Variants in MARS1 observed in about 807,000 individuals in gnomAD.
MARS1 encodes methionyl-tRNA synthetase 1.
In MARS1, 80 loss-of-function variants were observed where a neutral mutation model predicts 119.5. The observed-to-expected ratio is 0.67, with a 90% confidence interval of 0.56 to 0.81. The LOEUF is 0.81. MARS1 is among the 30% of genes least tolerant of loss of function. The probability of loss-of-function intolerance (pLI) is 0.00; values close to 1 mark genes in which losing one functional copy is unlikely to be tolerated. For missense variants in MARS1, 945 were observed against 1,116.5 expected, an observed-to-expected ratio of 0.85 and a Z score of 2.19; for synonymous variants, 418 against 433.4, an observed-to-expected ratio of 0.96 and a Z score of 0.44.
intron 14 of MARS1, 114 bp from the exon 15 acceptor site, chr12:57,512,634 ATGT>A (rs1449754598): frequency 2.0e-5 from 17 of 840,890 alleles, no homozygotes; most frequent in Non-Finnish European, 2.5e-5. Flanking sequence ...TTAAGGAGAA[ATGT>A]TGCTAGACAC....
chr12:57,499,115 C>T (rs1328248171), intron 9 of MARS1, among the ~76,000 whole-genome samples: 7 of 150,214 alleles, frequency 4.7e-5, no homozygotes, highest in Non-Finnish European at 1.0e-4. Flanking sequence ...GAAACCCCAT[C>T]TCTACTAAAA....
In MARS1 at chr12:57,489,064, A is replaced by G. The variant is rs764310981; in HGVS notation, c.155A>G (p.Gln52Arg). The change falls in exon 2 of 21, where the codon CAG (glutamine) becomes CGG (arginine). Residue 52 changes from glutamine (Q) to arginine (R), a missense_variant. Gln to Arg is a conservative substitution (Grantham distance 43). Coordinates refer to ENST00000262027, the MANE Select transcript of MARS1 (RefSeq NM_004990.4). ...ACCCGGCCTAAGGTCCCTGTCTTGC[A>G]GCTGGATAGCGGCAACTACCTCTTC... The part of the protein sequence containing the change: ...FLTRPKVPVL[Q>R]LDSGNYLFST... 2 of 1,613,378 alleles carry G rather than the reference A, an allele frequency of 1.2e-6. No individual in the cohort carries two copies. Among genetic ancestry groups the G allele is most frequent in the Non-Finnish European group, 1.7e-6 (2 of 1,179,904 alleles).
chr12:57,514,543 G>A (rs1877680266), intron 15 of MARS1, among the ~76,000 whole-genome samples, 177 bp from the exon 16 acceptor site: 1 of 152,184 alleles, frequency 6.6e-6, no homozygotes, highest in South Asian at 2.1e-4. Flanking sequence ...TCTTAGGGGA[G>A]AGAAAGAGTA....
At chr12:57,503,027 A>G (rs973120359) in intron 10 of MARS1, among the ~76,000 whole-genome samples, 2 of 151,958 alleles carry the variant, frequency 1.3e-5, no homozygotes, top group Admixed American at 1.3e-4. Context: ...CTTCGTCTCA[A>G]AAACAACAAC....
intron 7 of MARS1, among the ~76,000 whole-genome samples, chr12:57,493,766 TTA>T (rs1491404672): frequency 0.017 from 19 of 1,102 alleles, 1 homozygote; most frequent in East Asian, 0.25. Context: ...ATTATATATA[TTA>T]TATATAATAT....
At chr12:57,500,913 G>A (rs1388567843) in intron 10 of MARS1, among the ~76,000 whole-genome samples, 1 of 152,106 alleles carries the variant, frequency 6.6e-6, no homozygotes, top group African/African-American at 2.4e-5. Flanking sequence ...ACAATTCTGC[G>A]TGCTGGGGGT....
At chr12:57,499,281 T>G (rs1876796503) in intron 9 of MARS1, among the ~76,000 whole-genome samples, 1 of 104,590 alleles carries the variant, frequency 9.6e-6, no homozygotes, top group African/African-American at 3.7e-5. Context: ...CAAAACTCTG[T>G]CTCAAAAAAA....
chr12:57,489,009 C>A lies in MARS1; in HGVS notation c.110-10C>A. ...TTTTTTTTTTAACCCATTTTCCATT[C>A]TTGCATCAGATTGTGTGGTCCCGTT... is the stretch of plus-strand genomic sequence containing the variant. On this transcript the variant is annotated splice_polypyrimidine_tract_variant and intron_variant, in intron 1 of 20. Transcript: ENST00000262027. 1.3e-6 allele frequency: 2 copies of A among 1,582,960 alleles called. No individual in the cohort carries two copies. The highest frequency in any genetic ancestry group is 1.7e-6 in the Non-Finnish European group (2 of 1,158,170).
rs540781909 is a variant in MARS1, at chr12:57,489,074, C to G, written c.165C>G (p.Ser55Arg). 1.2e-6 allele frequency: 2 copies of G among 1,613,848 alleles called. No homozygotes were observed. Among genetic ancestry groups the G allele is most frequent in the Non-Finnish European group, 1.7e-6 (2 of 1,179,994 alleles). ...RPKVPVLQLD[S>R]GNYLFSTSAI... Reference sequence around the variant, plus strand: ...AGGTCCCTGTCTTGCAGCTGGATAGCGGCAACTACCTCTTCTCCACTAGTG... The same window carrying G: ...AGGTCCCTGTCTTGCAGCTGGATAGGGGCAACTACCTCTTCTCCACTAGTG... Residue 55 changes from serine (S) to arginine (R), a missense_variant, in exon 2 of 21, where the codon AGC becomes AGG. By Grantham distance (110) the Ser-to-Arg change is moderately radical. Transcript: ENST00000262027.
chr12:57,516,091 G>A (rs1249472565), intron 19 of MARS1, 100 bp downstream of exon 19: 1 of 1,424,048 alleles, frequency 7.0e-7, no homozygotes, highest in African/African-American at 1.4e-5. Flanking sequence ...TCCATCTTTT[G>A]GCCCTGCCGC....
At position 57,515,230 on chromosome 12, in the gene MARS1, C is replaced by A; in HGVS notation, c.2285C>A (p.Thr762Lys). 2 of 1,614,122 alleles carry A rather than the reference C, an allele frequency of 1.2e-6. No individual in the cohort carries two copies. Among genetic ancestry groups the A allele is most frequent in the Non-Finnish European group, 1.7e-6 (2 of 1,180,032 alleles). The change falls in exon 18 of 21, where the codon ACG becomes AAG. Residue 762 changes from threonine (T) to lysine (K), a missense_variant. Coordinates refer to ENST00000262027, the MANE Select transcript of MARS1 (RefSeq NM_004990.4). Reference sequence around the variant, plus strand: ...GTCATGCTTCAGCCTTACATGCCCACGGTTAGTGCCACAATCCAGGCCCAG... The same window carrying A: ...GTCATGCTTCAGCCTTACATGCCCAAGGTTAGTGCCACAATCCAGGCCCAG... Reference protein sequence around the residue: ...LSVMLQPYMPTVSATIQAQLQ... With the variant: ...LSVMLQPYMPKVSATIQAQLQ...
At position 57,495,023 on chromosome 12, in the gene MARS1, C is replaced by G. The variant is rs1203832967; in HGVS notation, c.771-3134C>G. Among the ~76,000 whole-genome samples, 6 of 152,182 alleles carry G rather than the reference C, an allele frequency of 3.9e-5. No individual in the cohort carries two copies. In the East Asian group the frequency reaches 1.2e-3, roughly 29 times the overall value. Reference sequence around the variant, plus strand: ...CCCGTTCTCAGTGAGCTGCTGGGTACACCTCCCAGATGGGGTGGCGGCCGG... The same window carrying G: ...CCCGTTCTCAGTGAGCTGCTGGGTAGACCTCCCAGATGGGGTGGCGGCCGG... On this transcript the variant is annotated intron_variant, in intron 7 of 20. Transcript: ENST00000262027.
At chr12:57,495,920 G>T (rs977581332) in intron 7 of MARS1, among the ~76,000 whole-genome samples, 2 of 152,240 alleles carry the variant, frequency 1.3e-5, no homozygotes, top group African/African-American at 4.8e-5. Context: ...GAATCAGGCA[G>T]GGAGGTTGCA....
rs79531790 is a variant in MARS1 at position 57,498,259 on chromosome 12, C to G, written c.873C>G (p.Ala291=). 38 of 1,614,032 alleles carry G rather than the reference C, an allele frequency of 2.4e-5. No homozygotes were observed. The African/African-American group carries it at 3.2e-4, about 14-fold the overall frequency. The part of the protein sequence containing the change: ...LGNIIGCVLS[A]DVFARYSRLR... ...ACATCATTGGTTGTGTGCTCAGTGC[C>G]GATGTCTTTGCCAGGTGGAGCCAGC... Residue 291 remains alanine (A), a synonymous_variant, in exon 8 of 21, where the codon GCC becomes GCG. Transcript: ENST00000262027.
At chr12:57,513,005 G>A in intron 15 of MARS1, 41 bp downstream of exon 15, 2 of 1,548,760 alleles carry the variant, frequency 1.3e-6, no homozygotes, top group Non-Finnish European at 8.9e-7. Flanking sequence ...GTGAGCTGGG[G>A]TGGGGCTCAT....
chr12:57,497,251 A>G (rs978278618), intron 7 of MARS1, among the ~76,000 whole-genome samples: 1 of 152,224 alleles, frequency 6.6e-6, no homozygotes, highest in African/African-American at 2.4e-5. Context: ...AGAAAGGGTG[A>G]TGGATGCACA....
In MARS1 at chr12:57,511,725, G is replaced by A. The variant is rs751574668; in HGVS notation, c.1396G>A (p.Gly466Arg). 8 of 1,614,176 alleles carry A rather than the reference G, an allele frequency of 5.0e-6. No homozygotes were observed. The South Asian group carries it at 8.8e-5, about 18-fold the overall frequency. Reference sequence around the variant, plus strand: ...GGAGAAGCGACTGGAGGAGTGGTTGGGGAGGACATTGCCTGGCAGTGACTG... The same window carrying A: ...GGAGAAGCGACTGGAGGAGTGGTTGAGGAGGACATTGCCTGGCAGTGACTG... ...KLEKRLEEWL[G>R]RTLPGSDWTP... Residue 466 changes from glycine (G) to arginine (R), a missense_variant, in exon 12 of 21, where the codon GGG becomes AGG. Physicochemically the swap from Gly to Arg is moderately radical, Grantham distance 125. Coordinates refer to ENST00000262027, the MANE Select transcript of MARS1 (RefSeq NM_004990.4).
At chr12:57,494,867 C>T (rs1419242249) in intron 7 of MARS1, among the ~76,000 whole-genome samples, 1 of 152,144 alleles carries the variant, frequency 6.6e-6, no homozygotes, top group Admixed American at 6.5e-5. Flanking sequence ...AAGAATTTTT[C>T]TTAGTACAGA....
At chr12:57,508,391 G>A (rs1218994157) in intron 11 of MARS1, among the ~76,000 whole-genome samples, 1 of 152,262 alleles carries the variant, frequency 6.6e-6, no homozygotes, top group East Asian at 1.9e-4. Flanking sequence ...GAGTGAACGA[G>A]ACTCCGTCTG....
Sources: allele counts gnomAD v4.1 joint callset (sites outside exome capture counted in the v4.1 genomes callset), GRCh38; gene constraint gnomAD v4.1.1; transcripts MANE v1.5; gene names NCBI Gene and HGNC (gene_info 2026-07-23, HGNC 2026-07-21).